CLSTN2: variants seen among roughly 807,000 people sequenced by gnomAD.
CLSTN2 encodes the protein calsyntenin-2.
Under a neutral mutation model 101.2 loss-of-function variants are expected in CLSTN2, and 48 were observed. The observed-to-expected ratio is 0.47, with a 90% CI of 0.38 to 0.60. The LOEUF (loss-of-function observed/expected upper bound fraction) is 0.60. Ranked by LOEUF, CLSTN2 falls within the 20% of genes least tolerant of loss-of-function variation. CLSTN2 has a pLI of 0.00. For missense variants in CLSTN2, 1,160 were observed against 1,238.2 expected (o/e 0.94, Z 0.95); for synonymous variants, 481 against 463.6 (o/e 1.04, Z -0.48).
intron 1 of CLSTN2, among the ~76,000 whole-genome samples, chr3:140,010,942 A>C (rs888125780): frequency 6.6e-6 from 1 of 152,194 alleles, no homozygotes; most frequent in Admixed American, 6.5e-5. Context: ...TGTGCTTCAG[A>C]TGCACCTGAA....
rs1046207007 is a variant in CLSTN2 at position 140,267,129 on chromosome 3, G to A, written c.232+91056G>A. 2.6e-5 allele frequency among the ~76,000 whole-genome samples: 4 copies of A among 152,254 alleles called. No homozygotes were observed. The South Asian group carries it at 8.3e-4, about 32-fold the overall frequency. On this transcript the variant is annotated intron_variant, in intron 2 of 16. Transcript: ENST00000458420. ...GAAGAATGGACCATGTTCCTCCCAG[G>A]TTCCCAGGCGGAGTATGTAGTTGGG...
At chr3:140,402,433 A>C (rs545978604) in intron 2 of CLSTN2, among the ~76,000 whole-genome samples, 2 of 152,240 alleles carry the variant, frequency 1.3e-5, no homozygotes, top group Non-Finnish European at 2.9e-5. Context: ...TTGATATAAA[A>C]TACTTGCCTT....
intron 1 of CLSTN2, among the ~76,000 whole-genome samples, chr3:139,946,228 A>T (rs1481841275): frequency 6.6e-6 from 1 of 152,216 alleles, no homozygotes; most frequent in Non-Finnish European, 1.5e-5. Flanking sequence ...GTACATATCC[A>T]TGCTTTCTCT....
chr3:140,362,165 AC>A (rs2087736691), intron 2 of CLSTN2, among the ~76,000 whole-genome samples: 1 of 152,146 alleles, frequency 6.6e-6, no homozygotes, highest in African/African-American at 2.4e-5. Flanking sequence ...AAACCCTTAA[AC>A]TTTTATGATC....
intron 2 of CLSTN2, among the ~76,000 whole-genome samples, chr3:140,198,113 C>T (rs749535190): frequency 6.6e-5 from 10 of 152,162 alleles, no homozygotes; most frequent in Non-Finnish European, 1.2e-4. Context: ...TTCACATATT[C>T]TGCAATAGGA....
At chr3:140,301,661 T>C (rs6790576) in intron 2 of CLSTN2, among the ~76,000 whole-genome samples, 25,592 of 152,226 alleles carry the variant, frequency 0.17, 2,521 homozygotes, top group East Asian at 0.37. Context: ...TTCCCTGGAC[T>C]ATAATTTGAG....
At chr3:139,984,047 C>T (rs1935981499) in intron 1 of CLSTN2, among the ~76,000 whole-genome samples, 1 of 152,172 alleles carries the variant, frequency 6.6e-6, no homozygotes, top group African/African-American at 2.4e-5. Flanking sequence ...CATCAGTCCA[C>T]AAATTGATCT....
intron 1 of CLSTN2, among the ~76,000 whole-genome samples, chr3:140,090,946 G>A (rs928924778): frequency 6.6e-6 from 1 of 152,128 alleles, no homozygotes; most frequent in African/African-American, 2.4e-5. Context: ...CTAAGAGAAG[G>A]TGTATTGCAT....
chr3:140,219,278 A>T (rs1213182339), intron 2 of CLSTN2, among the ~76,000 whole-genome samples: 1 of 151,942 alleles, frequency 6.6e-6, no homozygotes, highest in Non-Finnish European at 1.5e-5. Context: ...AAGGACTTTA[A>T]AGTTTCTCAT....
At chr3:140,373,837 G>A (rs953064585) in intron 2 of CLSTN2, among the ~76,000 whole-genome samples, 4 of 152,194 alleles carry the variant, frequency 2.6e-5, no homozygotes, top group Non-Finnish European at 5.9e-5. Flanking sequence ...GAGACAGGGA[G>A]TTCTCCACCA....
intron 7 of CLSTN2, among the ~76,000 whole-genome samples, chr3:140,463,603 C>A (rs1363143393): frequency 6.6e-6 from 1 of 152,182 alleles, no homozygotes; most frequent in East Asian, 1.9e-4. Context: ...CCAGGCGAGT[C>A]CTGGAAAGGC....
intron 1 of CLSTN2, among the ~76,000 whole-genome samples, chr3:139,964,909 A>G (rs1397526056): frequency 6.6e-6 from 1 of 152,160 alleles, no homozygotes; most frequent in Non-Finnish European, 1.5e-5. Flanking sequence ...CAATTGGGGA[A>G]TGACCTGTTT....
chr3:140,279,986 TC>T (rs2086829434), intron 2 of CLSTN2, among the ~76,000 whole-genome samples: 1 of 152,152 alleles, frequency 6.6e-6, no homozygotes, highest in Admixed American at 6.5e-5. Flanking sequence ...CTCTTGTCAG[TC>T]CCCAGCCAGT....
intron 2 of CLSTN2, among the ~76,000 whole-genome samples, chr3:140,321,284 G>A (rs1370473764): frequency 6.6e-6 from 1 of 152,146 alleles, no homozygotes; most frequent in African/African-American, 2.4e-5. Flanking sequence ...CTAACCCCAT[G>A]CTCAAGCCTC....
chr3:140,430,618 T>A (rs905058850), intron 5 of CLSTN2, among the ~76,000 whole-genome samples: 1 of 152,174 alleles, frequency 6.6e-6, no homozygotes, highest in East Asian at 1.9e-4. Context: ...ACAGAAAAAG[T>A]TTCGTGACCC....
intron 1 of CLSTN2, among the ~76,000 whole-genome samples, chr3:140,135,606 G>A (rs2009604835): frequency 6.6e-6 from 1 of 152,212 alleles, no homozygotes; most frequent in African/African-American, 2.4e-5. Context: ...CATTTGGACA[G>A]CTCATGGCAG....
rs1452372805 is a variant in CLSTN2 at position 139,969,342 on chromosome 3, G to A, written c.109+33859G>A. Among the ~76,000 whole-genome samples the A allele has an allele frequency of 2.6e-5, 4 of 152,038 alleles. No individual in the cohort carries two copies. In the East Asian group the frequency reaches 5.8e-4, roughly 22 times the overall value. ...ACCCTGGGTGGGTACTTAATTCCTG[G>A]GGAGGTTGCATCCTTCCCCTAGTTA... On this transcript the variant is annotated intron_variant, in intron 1 of 16. Transcript: ENST00000458420.
At position 140,562,856 on chromosome 3, in the gene CLSTN2, G is replaced by A. The variant is rs200855654; in HGVS notation, c.2258G>A (p.Arg753His). ...TATGAGCAGGTGCTACATCACATCC[G>A]CTACCGCAACTGGCGTCCGGCTTCC... is the stretch of plus-strand genomic sequence containing the variant. ...SRYEQVLHHIRYRNWRPASLE... is the reference protein window; with the variant it reads ...SRYEQVLHHIHYRNWRPASLE... The change falls in exon 14 of 17, where the codon CGC becomes CAC. Residue 753 changes from arginine (R) to histidine (H), a missense_variant. By Grantham distance (29) the Arg-to-His change is conservative (BLOSUM62 0). Transcript: ENST00000458420. 102 of 1,614,108 alleles carry A rather than the reference G, an allele frequency of 6.3e-5. 1 individual carries two copies. Among genetic ancestry groups the A allele is most frequent in the Admixed American group, 3.8e-4 (23 of 60,026 alleles).
At chr3:140,543,975 G>A (rs1935535711) in intron 9 of CLSTN2, among the ~76,000 whole-genome samples, 1 of 152,198 alleles carries the variant, frequency 6.6e-6, no homozygotes, top group African/African-American at 2.4e-5. Flanking sequence ...AAGACAGTCT[G>A]TCTCTGGAGC....
Sources: allele counts gnomAD v4.1 joint callset (sites outside exome capture counted in the v4.1 genomes callset), GRCh38; gene constraint gnomAD v4.1.1; transcripts MANE v1.5; gene names NCBI Gene and HGNC (gene_info 2026-07-23, HGNC 2026-07-21).